Variants in CNTNAP2 observed in about 807,000 individuals in gnomAD.
The protein encoded by CNTNAP2 is contactin associated protein 2.
CNTNAP2 carries 98 observed loss-of-function variants against 155.2 expected under a neutral mutation model. The observed-to-expected ratio is 0.63, with a 90% CI of 0.54 to 0.75. The LOEUF (loss-of-function observed/expected upper bound fraction) is 0.75. Ranked by LOEUF, CNTNAP2 falls within the 30% of genes least tolerant of loss-of-function variation. The pLI is 0.00. For missense variants in CNTNAP2, 1,727 were observed against 1,688.1 expected (o/e 1.02, Z -0.40); for synonymous variants, 651 against 631.2 (o/e 1.03, Z -0.47).
chr7:146,923,947 G>A (rs930933765), intron 3 of CNTNAP2, among the ~76,000 whole-genome samples: 19 of 152,098 alleles, frequency 1.2e-4, no homozygotes, highest in Admixed American at 3.9e-4. Flanking sequence ...GTATTTTAAT[G>A]AGCCCTCCCA....
chr7:147,611,739 CT>C (rs569653205), intron 12 of CNTNAP2, among the ~76,000 whole-genome samples: 5 of 152,174 alleles, frequency 3.3e-5, no homozygotes, highest in Admixed American at 2.6e-4. Context: ...GTTCCATCTG[CT>C]TTACATACCT....
At chr7:148,398,055 G>GAT (rs1799507643) in intron 22 of CNTNAP2, among the ~76,000 whole-genome samples, 1 of 152,208 alleles carries the variant, frequency 6.6e-6, no homozygotes, top group African/African-American at 2.4e-5. Flanking sequence ...ACCGAAAAGA[G>GAT]TATTTCAAAA....
chr7:146,680,028 G>C (rs910346355), intron 1 of CNTNAP2, among the ~76,000 whole-genome samples: 1 of 152,076 alleles, frequency 6.6e-6, no homozygotes, highest in East Asian at 1.9e-4. Flanking sequence ...TGTAGAACAT[G>C]TTATGTGTCA....
Position 146,568,411 on chromosome 7 carries a change from C to A in CNTNAP2, c.98-205860C>A, listed in dbSNP as rs572222774. 2.6e-5 allele frequency among the ~76,000 whole-genome samples: 4 copies of A among 152,270 alleles called. No individual in the cohort carries two copies. In the South Asian group the frequency reaches 8.3e-4, roughly 32 times the overall value. ...TTTTAGTCCACCTATTTTGTTAATACAAAGGAGCAGTTTCTTTATATTGTC... is the reference window on the plus strand; with the variant it reads ...TTTTAGTCCACCTATTTTGTTAATAAAAAGGAGCAGTTTCTTTATATTGTC... On this transcript the variant is annotated intron_variant, in intron 1 of 23. Coordinates refer to ENST00000361727, the MANE Select transcript of CNTNAP2 (RefSeq NM_014141.6).
intron 9 of CNTNAP2, among the ~76,000 whole-genome samples, chr7:147,334,669 G>A (rs995530186): frequency 2.0e-5 from 3 of 152,148 alleles, no homozygotes; most frequent in Non-Finnish European, 4.4e-5. Context: ...AGCTGAGAAG[G>A]AGCCAGTGAG....
chr7:147,262,578 GC>G (rs1366172106), intron 8 of CNTNAP2, among the ~76,000 whole-genome samples: 2 of 152,174 alleles, frequency 1.3e-5, no homozygotes, highest in African/African-American at 4.8e-5. Context: ...GCCGAGGTGG[GC>G]GGATCACGGG....
intron 9 of CNTNAP2, among the ~76,000 whole-genome samples, chr7:147,347,978 T>A (rs960208826): frequency 2.0e-5 from 3 of 151,972 alleles, no homozygotes; most frequent in Non-Finnish European, 4.4e-5. Context: ...TGGATATCCA[T>A]ATGCAAAAGA....
chr7:147,602,870 T>G (rs1312986489), intron 12 of CNTNAP2, among the ~76,000 whole-genome samples: 1 of 151,936 alleles, frequency 6.6e-6, no homozygotes, highest in Non-Finnish European at 1.5e-5. Flanking sequence ...GTGCCACATT[T>G]TCTTAATCCA....
At chr7:146,332,245 G>A (rs954099771) in intron 1 of CNTNAP2, among the ~76,000 whole-genome samples, 38 of 151,516 alleles carry the variant, frequency 2.5e-4, no homozygotes, top group African/African-American at 7.7e-4. Flanking sequence ...TTTTATAATC[G>A]AATGCATATT....
chr7:148,086,319 A>G (rs1035429421), intron 15 of CNTNAP2, among the ~76,000 whole-genome samples: 5 of 152,194 alleles, frequency 3.3e-5, no homozygotes, highest in African/African-American at 1.2e-4. Context: ...TTTAAACAAA[A>G]GTATCAACAT....
At chr7:146,809,235 TTTC>T (rs1227513925) in intron 2 of CNTNAP2, among the ~76,000 whole-genome samples, 2 of 152,210 alleles carry the variant, frequency 1.3e-5, no homozygotes, top group Non-Finnish European at 2.9e-5. Context: ...AACGTTGTTG[TTTC>T]TTGTCTTTTG....
chr7:147,827,119 A>G (rs1226616326), intron 13 of CNTNAP2, among the ~76,000 whole-genome samples: 3 of 152,008 alleles, frequency 2.0e-5, no homozygotes, highest in Non-Finnish European at 4.4e-5. Flanking sequence ...TTCATTAGAG[A>G]TGGGGTTTCG....
chr7:147,453,139 C>T (rs568428649), intron 10 of CNTNAP2, among the ~76,000 whole-genome samples: 1 of 152,184 alleles, frequency 6.6e-6, no homozygotes, highest in African/African-American at 2.4e-5. Flanking sequence ...GCAAAGCCTG[C>T]TCCTCAGCCA....
intron 10 of CNTNAP2, among the ~76,000 whole-genome samples, chr7:147,449,373 A>C (rs1483969560): frequency 6.6e-6 from 1 of 152,122 alleles, no homozygotes; most frequent in Non-Finnish European, 1.5e-5. Context: ...GGGCCTCACT[A>C]TGCAAATCTG....
intron 13 of CNTNAP2, among the ~76,000 whole-genome samples, chr7:147,709,266 G>T (rs1796367217): frequency 6.6e-6 from 1 of 152,110 alleles, no homozygotes; most frequent in Non-Finnish European, 1.5e-5. Context: ...CTTTGAGCTG[G>T]TAAAGAATTT....
At chr7:147,318,317 CT>C (rs1223193416) in intron 9 of CNTNAP2, among the ~76,000 whole-genome samples, 1 of 152,060 alleles carries the variant, frequency 6.6e-6, no homozygotes, top group African/African-American at 2.4e-5. Flanking sequence ...GTACGCGCAC[CT>C]GAAGTCCCAG....
chr7:147,966,531 C>A (rs1801213621), intron 14 of CNTNAP2, among the ~76,000 whole-genome samples: 1 of 152,066 alleles, frequency 6.6e-6, no homozygotes, highest in Non-Finnish European at 1.5e-5. Context: ...TTTCCCCAGG[C>A]TGTGAACTAG....
intron 1 of CNTNAP2, among the ~76,000 whole-genome samples, chr7:146,273,326 G>A (rs1053023029): frequency 5.9e-5 from 9 of 151,902 alleles, no homozygotes; most frequent in African/African-American, 2.2e-4. Flanking sequence ...CTATAACTAG[G>A]CCAAGTGTAA....
intron 3 of CNTNAP2, among the ~76,000 whole-genome samples, chr7:146,879,512 A>T (rs1795496092): frequency 6.6e-6 from 1 of 152,048 alleles, no homozygotes; most frequent in South Asian, 2.1e-4. Flanking sequence ...ATTAGCATTT[A>T]CTATGTTACA....
Sources: allele counts gnomAD v4.1 joint callset (sites outside exome capture counted in the v4.1 genomes callset), GRCh38; gene constraint gnomAD v4.1.1; transcripts MANE v1.5; gene names NCBI Gene and HGNC (gene_info 2026-07-23, HGNC 2026-07-21).